Variants in HDAC8 observed in about 807,000 individuals in gnomAD.
The protein encoded by HDAC8 is histone deacetylase 8.
A neutral mutation model predicts 32.2 loss-of-function variants in HDAC8; 1 was observed. That is an observed-to-expected ratio of 0.03 (90% confidence interval 0.01 to 0.15). The LOEUF is 0.15. Ranked by LOEUF, HDAC8 falls within the 10% of genes least tolerant of loss-of-function variation. HDAC8 has a pLI of 1.00. For missense variants in HDAC8, 117 were observed against 300.0 expected, an observed-to-expected ratio of 0.39 and a Z score of 4.51; for synonymous variants, 108 against 113.9, an observed-to-expected ratio of 0.95 and a Z score of 0.33.
chrX:72,543,368 C>T (rs1365514828), intron 4 of HDAC8, among the ~76,000 whole-genome samples: 9 of 111,305 alleles, frequency 8.1e-5, no homozygotes, highest in African/African-American at 2.9e-4. Context: ...TCCGCCAGTA[C>T]GTGGTTAATG....
At chrX:72,537,401 G>T (rs1013090616) in intron 4 of HDAC8, among the ~76,000 whole-genome samples, 15 of 112,195 alleles carry the variant, frequency 1.3e-4, no homozygotes, top group African/African-American at 4.5e-4. Flanking sequence ...TATCTCATGT[G>T]AATGGCTTGA....
chrX:72,382,128 TC>T (rs782376252), intron 9 of HDAC8, among the ~76,000 whole-genome samples: 18 of 112,799 alleles, frequency 1.6e-4, no homozygotes, highest in Non-Finnish European at 2.4e-4. Context: ...GTCTAACCTG[TC>T]TGCACAGTGC....
chrX:72,556,155 C>T (rs1362148956), intron 4 of HDAC8, among the ~76,000 whole-genome samples: 2 of 111,756 alleles, frequency 1.8e-5, no homozygotes, highest in Non-Finnish European at 3.8e-5. Context: ...GGAAACTAAG[C>T]TTCATAAATG....
intron 10 of HDAC8, among the ~76,000 whole-genome samples, chrX:72,350,098 C>G (rs1221958856): frequency 9.0e-6 from 1 of 110,662 alleles, no homozygotes; most frequent in African/African-American, 3.3e-5. Context: ...TGGAGAAGGG[C>G]CAGGAGTGGA....
At chrX:72,411,319 C>T (rs1044590762) in intron 9 of HDAC8, among the ~76,000 whole-genome samples, 3 of 111,184 alleles carry the variant, frequency 2.7e-5, no homozygotes, top group Non-Finnish European at 5.7e-5. Context: ...CCACCGCTCC[C>T]GGCTGCTCTT....
At chrX:72,387,682 C>A (rs1284962376) in intron 9 of HDAC8, among the ~76,000 whole-genome samples, 1 of 111,886 alleles carries the variant, frequency 8.9e-6, no homozygotes, top group Non-Finnish European at 1.9e-5. Context: ...AATAACGCAT[C>A]TAAAGCACTT....
intron 9 of HDAC8, among the ~76,000 whole-genome samples, chrX:72,384,444 T>G (rs1169562531): frequency 9.0e-6 from 1 of 111,596 alleles, no homozygotes; most frequent in Non-Finnish European, 1.9e-5. Flanking sequence ...TCTGCTGGAA[T>G]CACTTTCCAC....
intron 4 of HDAC8, among the ~76,000 whole-genome samples, chrX:72,514,330 T>C (rs1556023616): frequency 8.9e-6 from 1 of 111,937 alleles, no homozygotes; most frequent in East Asian, 2.8e-4. Context: ...GTCTTTATAG[T>C]GACAGGCACA....
chrX:72,344,884 A>T (rs782446584), intron 10 of HDAC8, among the ~76,000 whole-genome samples: 11 of 111,636 alleles, frequency 9.9e-5, no homozygotes, highest in Admixed American at 4.8e-4. Flanking sequence ...TCCATCCCAA[A>T]TATCACTGTA....
chrX:72,508,731 T>C (rs1212811114), intron 4 of HDAC8, among the ~76,000 whole-genome samples: 1 of 112,302 alleles, frequency 8.9e-6, no homozygotes, highest in African/African-American at 3.2e-5. Flanking sequence ...CCCCTTGCCA[T>C]GTGATGCCCT....
At chrX:72,334,391 A>G (rs2043620757) in intron 10 of HDAC8, among the ~76,000 whole-genome samples, 1 of 112,178 alleles carries the variant, frequency 8.9e-6, no homozygotes, top group Non-Finnish European at 1.9e-5. Context: ...CTGCCACAGA[A>G]GAAAACAAAA....
At chrX:72,479,112 C>A (rs1440905164) in intron 7 of HDAC8, among the ~76,000 whole-genome samples, 1 of 111,803 alleles carries the variant, frequency 8.9e-6, no homozygotes, top group Non-Finnish European at 1.9e-5. Context: ...TAGTCCTTGT[C>A]AACACATCCC....
chrX:72,441,806 A>G (rs1569300078), intron 9 of HDAC8, among the ~76,000 whole-genome samples: 1 of 111,768 alleles, frequency 8.9e-6, no homozygotes, highest in African/African-American at 3.3e-5. Context: ...AGACGAATGT[A>G]TAACTAGAAT....
intron 9 of HDAC8, among the ~76,000 whole-genome samples, chrX:72,442,097 T>G (rs377557802): frequency 5.1e-4 from 57 of 111,043 alleles, no homozygotes; most frequent in Admixed American, 4.4e-3. Context: ...TGGAACCAAG[T>G]TGGAAAACAC....
At chrX:72,509,856 T>C (rs2049521920) in intron 4 of HDAC8, among the ~76,000 whole-genome samples, 1 of 111,516 alleles carries the variant, frequency 9.0e-6, no homozygotes, top group African/African-American at 3.3e-5. Flanking sequence ...TTTTCACAGT[T>C]TTCCCTTACC....
At chrX:72,357,894 G>C (rs1201391778) in intron 9 of HDAC8, among the ~76,000 whole-genome samples, 1 of 110,690 alleles carries the variant, frequency 9.0e-6, no homozygotes, top group Admixed American at 9.6e-5. Flanking sequence ...ACAGAGCACA[G>C]ATTTCTTTTC....
chrX:72,471,316 G>A (rs1459834497), intron 7 of HDAC8, among the ~76,000 whole-genome samples: 7 of 112,022 alleles, frequency 6.2e-5, no homozygotes, highest in Non-Finnish European at 1.1e-4. Context: ...TACAAATTTT[G>A]TGTAGACACA....
At chrX:72,445,714 A>G (rs782179046) in intron 9 of HDAC8, among the ~76,000 whole-genome samples, 23 of 112,239 alleles carry the variant, frequency 2.0e-4, no homozygotes, top group African/African-American at 7.1e-4. Flanking sequence ...GCTTCTGCAC[A>G]GCAAAAAGAA....
intron 9 of HDAC8, among the ~76,000 whole-genome samples, chrX:72,403,847 T>C (rs1393664320): frequency 9.0e-6 from 1 of 111,214 alleles, no homozygotes; most frequent in Admixed American, 9.5e-5. Flanking sequence ...GAGGATCACT[T>C]GAGCCCAGGA....
Sources: allele counts gnomAD v4.1 joint callset (sites outside exome capture counted in the v4.1 genomes callset), GRCh38; gene constraint gnomAD v4.1.1; transcripts MANE v1.5; gene names NCBI Gene and HGNC (gene_info 2026-07-23, HGNC 2026-07-21).